EPC1: variants seen among roughly 807,000 people sequenced by gnomAD.
The protein encoded by EPC1 is enhancer of polycomb homolog 1.
In EPC1, 12 loss-of-function variants were observed where a neutral mutation model predicts 98.4. The ratio of observed to expected loss-of-function variants is 0.12; its 90% CI spans 0.08 to 0.20. The LOEUF (loss-of-function observed/expected upper bound fraction) is 0.20. EPC1 is among the 10% of genes least tolerant of loss of function. EPC1 has a pLI of 1.00. For synonymous variants in EPC1, 357 were observed against 363.9 expected (o/e 0.98, Z 0.21); for missense variants, 729 against 990.5 (o/e 0.74, Z 3.54).
chr10:32,313,628 C>T (rs777599297), intron 1 of EPC1, among the ~76,000 whole-genome samples: 9 of 152,104 alleles, frequency 5.9e-5, no homozygotes, highest in Admixed American at 3.3e-4. Context: ...CGGTGGCTCA[C>T]GCCTGTAATC....
intron 1 of EPC1, among the ~76,000 whole-genome samples, chr10:32,358,411 A>AAGCAGGAG (rs1396538116): frequency 3.3e-5 from 5 of 152,130 alleles, no homozygotes; most frequent in Non-Finnish European, 5.9e-5. Flanking sequence ...TTCAAGGCTG[A>AAGCAGGAG]AGCAGGAGGA....
At chr10:32,338,460 A>C (rs934393547) in intron 1 of EPC1, among the ~76,000 whole-genome samples, 15 of 152,168 alleles carry the variant, frequency 9.9e-5, no homozygotes, top group Non-Finnish European at 1.9e-4. Flanking sequence ...TCACTCCCTT[A>C]AACTCGCTAA....
chr10:32,371,653 C>T (rs760877565), intron 1 of EPC1, among the ~76,000 whole-genome samples: 2 of 152,162 alleles, frequency 1.3e-5, no homozygotes, highest in Non-Finnish European at 2.9e-5. Flanking sequence ...AATCCCAGCA[C>T]TTTGGGAGGC....
At chr10:32,352,481 C>A (rs912724057) in intron 1 of EPC1, among the ~76,000 whole-genome samples, 2 of 152,180 alleles carry the variant, frequency 1.3e-5, no homozygotes, top group African/African-American at 4.8e-5. Context: ...CCCTGGCCCA[C>A]AGTGAACCCT....
chr10:32,278,539 G>A (rs1259712468), intron 10 of EPC1, among the ~76,000 whole-genome samples: 6 of 146,450 alleles, frequency 4.1e-5, no homozygotes, highest in African/African-American at 1.0e-4. Context: ...CCGCCACTAC[G>A]CCCGTCTAAT....
In EPC1 at chr10:32,345,251, C is replaced by T. The variant is rs543299236; in HGVS notation, c.153+1512G>A. On this transcript the variant is annotated intron_variant, in intron 1 of 13. Coordinates refer to ENST00000319778, the MANE Select transcript of EPC1 (RefSeq NM_001272004.3). ...GAGACAATGTGCTGAAAGTCAGTGC[C>T]CAACTAGACAATCTGAGCTACTACA... 174 of 985,250 alleles carry T rather than the reference C, an allele frequency of 1.8e-4. 1 individual carries two copies. In the African/African-American group the frequency reaches 2.9e-3, roughly 17 times the overall value. 61.0% of individuals were successfully genotyped at this position (985,250 alleles called of 1,614,324 possible).
chr10:32,329,034 G>A (rs1276596255), intron 1 of EPC1, among the ~76,000 whole-genome samples: 2 of 152,210 alleles, frequency 1.3e-5, no homozygotes, highest in African/African-American at 2.4e-5. Flanking sequence ...TCTGTGAGAA[G>A]AAGGGTAAGC....
chr10:32,345,022 T>C (rs749645337), intron 1 of EPC1: 9 of 502,204 alleles, frequency 1.8e-5, no homozygotes, highest in African/African-American at 2.1e-5. Flanking sequence ...TACAAATTAA[T>C]TTCCAGGGCA....
At chr10:32,312,127 G>A (rs974507543) in intron 1 of EPC1, among the ~76,000 whole-genome samples, 1 of 152,174 alleles carries the variant, frequency 6.6e-6, no homozygotes, top group African/African-American at 2.4e-5. Flanking sequence ...TGAGGCTGAA[G>A]CACAGTGAGT....
At chr10:32,331,807 A>T (rs1167021796) in intron 1 of EPC1, among the ~76,000 whole-genome samples, 1 of 152,232 alleles carries the variant, frequency 6.6e-6, no homozygotes, top group East Asian at 1.9e-4. Context: ...TCATCTCATA[A>T]GTCAACATGA....
At chr10:32,368,208 C>T (rs1222549646) in intron 1 of EPC1, among the ~76,000 whole-genome samples, 1 of 152,194 alleles carries the variant, frequency 6.6e-6, no homozygotes. Context: ...TGGCAATTGA[C>T]GCAAGCATTT....
intron 1 of EPC1, among the ~76,000 whole-genome samples, chr10:32,341,035 C>G (rs1838309559): frequency 6.6e-6 from 1 of 152,072 alleles, no homozygotes; most frequent in Non-Finnish European, 1.5e-5. Flanking sequence ...ATCACTTTTG[C>G]CCTTAGACAC....
intron 1 of EPC1, among the ~76,000 whole-genome samples, chr10:32,354,699 G>A (rs1839220100): frequency 6.7e-6 from 1 of 150,114 alleles, no homozygotes; most frequent in Non-Finnish European, 1.5e-5. Flanking sequence ...TGTGTAATGT[G>A]TAACTGGCCA....
At chr10:32,369,959 G>C (rs1057254592) in intron 1 of EPC1, among the ~76,000 whole-genome samples, 1 of 152,054 alleles carries the variant, frequency 6.6e-6, no homozygotes, top group Non-Finnish European at 1.5e-5. Flanking sequence ...ATTATTTAAA[G>C]GATCATGATT....
intron 1 of EPC1, among the ~76,000 whole-genome samples, chr10:32,376,287 T>C (rs1044306513): frequency 1.6e-4 from 24 of 152,104 alleles, no homozygotes; most frequent in African/African-American, 5.5e-4. Context: ...GGCTACCTTA[T>C]ATACACATGT....
chr10:32,293,477 T>G, intron 3 of EPC1, 115 bp downstream of exon 3: 1 of 999,998 alleles, frequency 1.0e-6, no homozygotes, highest in Non-Finnish European at 1.4e-6. Context: ...ATTCATACTT[T>G]TTAACTCTAA....
chr10:32,307,449 TTTAGG>T lies in EPC1; in HGVS notation c.154-1523_154-1519del, dbSNP rs563278306. On this transcript the variant is annotated intron_variant, in intron 1 of 13. Coordinates refer to ENST00000319778, the MANE Select transcript of EPC1 (RefSeq NM_001272004.3). Reference sequence around the variant, plus strand: ...TAAAACTCTTTGCCCTTCTTGTTACTTTAGGTTAATTTCTTTACAAATGATAAAGT... The same window carrying T: ...TAAAACTCTTTGCCCTTCTTGTTACTTTAATTTCTTTACAAATGATAAAGT... Among the ~76,000 whole-genome samples, 583 of 152,346 alleles carry T rather than the reference TTTAGG, an allele frequency of 3.8e-3. 8 individuals are homozygous for T. The highest frequency in any genetic ancestry group is 2.3e-3 in the Non-Finnish European group (158 of 68,024).
At chr10:32,337,886 T>G (rs1838072289) in intron 1 of EPC1, among the ~76,000 whole-genome samples, 1 of 152,214 alleles carries the variant, frequency 6.6e-6, no homozygotes, top group African/African-American at 2.4e-5. Flanking sequence ...TTTCCCATAC[T>G]TTCATCTTCT....
upstream of EPC1, among the ~76,000 whole-genome samples, chr10:32,349,362 A>G (rs905457015): frequency 6.6e-6 from 1 of 152,214 alleles, no homozygotes; most frequent in Non-Finnish European, 1.5e-5. Context: ...CTTATTCTCT[A>G]GAGAGTCTAA....
Sources: gnomAD v4.1 joint callset for allele counts (sites outside exome capture counted in the v4.1 genomes callset) on GRCh38, gnomAD v4.1.1 for gene constraint, MANE v1.5 for transcripts, NCBI Gene and HGNC (gene_info 2026-07-23, HGNC 2026-07-21) for gene names.